The following TAF1B variants were observed in gnomAD, a reference collection of about 807,000 sequenced individuals.
The protein encoded by TAF1B is TATA-box binding protein associated factor, RNA polymerase I subunit B.
A neutral mutation model predicts 83.9 loss-of-function variants in TAF1B; 61 were observed. That is an observed-to-expected ratio of 0.73 (90% CI 0.59 to 0.90). The LOEUF (loss-of-function observed/expected upper bound fraction) is 0.90. Among genes scored for constraint, TAF1B ranks in the 40% least tolerant of loss-of-function variants. TAF1B has a pLI of 0.00. For synonymous variants in TAF1B, 221 were observed against 224.6 expected, an observed-to-expected ratio of 0.98 and a Z score of 0.14; for missense variants, 625 against 677.0, an observed-to-expected ratio of 0.92 and a Z score of 0.85.
At chr2:9,863,081 G>A (rs575573373) in intron 5 of TAF1B, among the ~76,000 whole-genome samples, 9 of 152,248 alleles carry the variant, frequency 5.9e-5, no homozygotes, top group Admixed American at 3.3e-4. Context: ...GACAGGATCA[G>A]ATTCACACAT....
At chr2:9,868,180 T>G in intron 5 of TAF1B, 96 bp from the exon 6 acceptor site, 3 of 1,322,118 alleles carry the variant, frequency 2.3e-6, no homozygotes, top group Non-Finnish European at 3.1e-6. Context: ...GAGTGGTTTC[T>G]TTTAGGGTGT....
chr2:9,876,106 A>G, intron 7 of TAF1B, 88 bp downstream of exon 7: 1 of 1,379,326 alleles, frequency 7.2e-7, no homozygotes, highest in Non-Finnish European at 9.8e-7. Flanking sequence ...TTTTTATAAG[A>G]AGGCTTAACT....
intron 2 of TAF1B, among the ~76,000 whole-genome samples, chr2:9,847,704 A>G (rs1663251832): frequency 6.6e-6 from 1 of 152,218 alleles, no homozygotes; most frequent in Non-Finnish European, 1.5e-5. Flanking sequence ...TTTTTGCAAG[A>G]GTTTCACGGA....
intron 6 of TAF1B, among the ~76,000 whole-genome samples, chr2:9,873,701 C>T (rs1664237921): frequency 6.7e-6 from 1 of 150,346 alleles, no homozygotes; most frequent in African/African-American, 2.4e-5. Flanking sequence ...GGCCAACAAC[C>T]TTATAATCAT....
At chr2:9,848,711 C>T (rs1663287792) in intron 2 of TAF1B, among the ~76,000 whole-genome samples, 1 of 151,662 alleles carries the variant, frequency 6.6e-6, no homozygotes, top group South Asian at 2.1e-4. Flanking sequence ...ATTTATTCTA[C>T]TTTATGGAAT....
In TAF1B at chr2:9,845,256, G is replaced by A; in HGVS notation, c.55G>A (p.Val19Ile). The change falls in exon 2 of 15, where the codon GTC becomes ATC. Residue 19 changes from valine (V) to isoleucine (I), a missense_variant. Val to Ile is a conservative substitution (Grantham distance 29). Coordinates refer to ENST00000263663, the MANE Select transcript of TAF1B (RefSeq NM_005680.3). The stretch of plus-strand genomic sequence containing the variant: ...AGAACGCTGTACTCAGTGTGCTGCT[G>A]TCTCATGGGGTCTTACTGATGAAGG... ...FKERCTQCAA[V>I]SWGLTDEGKY... 3 of 1,613,960 alleles carry A rather than the reference G, an allele frequency of 1.9e-6. No individual in the cohort carries two copies. The highest frequency in any genetic ancestry group is 2.5e-6 in the Non-Finnish European group (3 of 1,179,908).
rs549684510 is a variant in TAF1B, at chr2:9,891,594, A to G, written c.807+8789A>G. On this transcript the variant is annotated intron_variant, in intron 8 of 14. Coordinates refer to ENST00000263663, the MANE Select transcript of TAF1B (RefSeq NM_005680.3). ...TTCTTCTACTTATTAAAAAAAAGTT[A>G]ACAGCCTCAGGCAGGTTCCGTAGGA... is the stretch of plus-strand genomic sequence containing the variant. 3.2e-4 allele frequency among the ~76,000 whole-genome samples: 48 copies of G among 152,316 alleles called. No homozygotes were observed. The South Asian group carries it at 8.9e-3, about 28-fold the overall frequency.
intron 14 of TAF1B, among the ~76,000 whole-genome samples, chr2:9,923,910 C>G (rs999638030): frequency 1.3e-5 from 2 of 152,218 alleles, no homozygotes; most frequent in African/African-American, 4.8e-5. Flanking sequence ...CCTGCCTCCT[C>G]CAGCTGCAGA....
intron 5 of TAF1B, among the ~76,000 whole-genome samples, chr2:9,866,546 G>C (rs1246763778): frequency 6.6e-6 from 1 of 152,148 alleles, no homozygotes; most frequent in Admixed American, 6.5e-5. Context: ...CAGGGTTCTA[G>C]AACTAGAAAT....
chr2:9,867,361 C>T (rs1365743941), intron 5 of TAF1B, among the ~76,000 whole-genome samples: 1 of 152,232 alleles, frequency 6.6e-6, no homozygotes, highest in Non-Finnish European at 1.5e-5. Context: ...GAAGTTTTCT[C>T]TGTGTTCATG....
intron 5 of TAF1B, among the ~76,000 whole-genome samples, chr2:9,863,085 C>T (rs1663833674): frequency 6.6e-6 from 1 of 152,172 alleles, no homozygotes; most frequent in Admixed American, 6.5e-5. Context: ...GGATCAGATT[C>T]ACACATAACA....
chr2:9,903,326 C>T (rs1462884913), intron 8 of TAF1B, among the ~76,000 whole-genome samples: 2 of 152,142 alleles, frequency 1.3e-5, no homozygotes, highest in Admixed American at 1.3e-4. Context: ...ACCTCATGAT[C>T]CGCCCGGCTC....
rs142976824 is a variant in TAF1B, at chr2:9,904,865, C to A, written c.814C>A (p.Pro272Thr). 30 of 1,609,394 alleles carry A rather than the reference C, an allele frequency of 1.9e-5. No homozygotes were observed. Among genetic ancestry groups the A allele is most frequent in the Non-Finnish European group, 2.3e-5 (27 of 1,176,244 alleles). The stretch of plus-strand genomic sequence containing the variant: ...GGTCTCTCTTTTATTTCAGTCTTGG[C>A]CTGACTACGAGGACATCTACAAAAA... Reference protein sequence around the residue: ...DRGIFGIESWPDYEDIYKKTV... With the variant: ...DRGIFGIESWTDYEDIYKKTV... The change falls in exon 9 of 15, where the codon CCT becomes ACT. Residue 272 changes from proline (P) to threonine (T), a missense_variant. Physicochemically the swap from Pro to Thr is conservative, Grantham distance 38. Transcript: ENST00000263663.
chr2:9,911,615 T>C (rs1031214234), intron 11 of TAF1B, 58 bp downstream of exon 11: 6 of 1,260,892 alleles, frequency 4.8e-6, no homozygotes, highest in African/African-American at 4.6e-5. Context: ...GATTAAAAGA[T>C]GGAATAAATG....
chr2:9,854,667 T>C (rs1663501500), intron 5 of TAF1B, among the ~76,000 whole-genome samples: 1 of 139,312 alleles, frequency 7.2e-6, no homozygotes, highest in Admixed American at 7.2e-5. Context: ...AGTTGAAACA[T>C]AAAGGAATTT....
At chr2:9,923,290 T>G (rs992508158) in intron 14 of TAF1B, among the ~76,000 whole-genome samples, 7 of 151,474 alleles carry the variant, frequency 4.6e-5, no homozygotes, top group African/African-American at 1.7e-4. Context: ...CAAAGATAAT[T>G]GAACTGTAGA....
chr2:9,848,637 G>C (rs1409980110), intron 2 of TAF1B, among the ~76,000 whole-genome samples: 2 of 151,418 alleles, frequency 1.3e-5, no homozygotes, highest in Non-Finnish European at 2.9e-5. Context: ...TTGCACTCCA[G>C]CCTGGGCGAC....
At chr2:9,870,309 G>A (rs1036357222) in intron 6 of TAF1B, among the ~76,000 whole-genome samples, 2 of 152,082 alleles carry the variant, frequency 1.3e-5, no homozygotes, top group Non-Finnish European at 2.9e-5. Context: ...GGGCAACATA[G>A]TGAGACCTCC....
At chr2:9,886,063 A>G (rs536336487) in intron 8 of TAF1B, among the ~76,000 whole-genome samples, 4 of 152,182 alleles carry the variant, frequency 2.6e-5, no homozygotes, top group Non-Finnish European at 4.4e-5. Flanking sequence ...CCTATTCTTC[A>G]TTAGGATTTT....
Sources: allele counts gnomAD v4.1 joint callset (sites outside exome capture counted in the v4.1 genomes callset), GRCh38; gene constraint gnomAD v4.1.1; transcripts MANE v1.5; gene names NCBI Gene and HGNC (gene_info 2026-07-23, HGNC 2026-07-21).